The following MARCO variants were observed in gnomAD, a reference collection of about 807,000 sequenced individuals.
MARCO encodes macrophage receptor MARCO.
In MARCO, 72 loss-of-function variants were observed where a neutral mutation model predicts 70.0. The observed-to-expected ratio is 1.03, with a 90% CI of 0.85 to 1.25. The LOEUF (loss-of-function observed/expected upper bound fraction) is 1.25. Ranked by LOEUF, MARCO falls within the 50% of genes most tolerant of loss-of-function variation. The probability of loss-of-function intolerance (pLI) is 0.00; values close to 1 mark genes in which losing one functional copy is unlikely to be tolerated. For synonymous variants in MARCO, 273 were observed against 243.1 expected (o/e 1.12, Z -1.14); for missense variants, 696 against 659.3 (o/e 1.06, Z -0.61).
rs1680505791 is a variant in MARCO, at chr2:118,986,672, G to GAAAGAAAGAAAGAAA, written c.1064-3917_1064-3916insAAAGAAAGAAAGAAA. On this transcript the variant is annotated intron_variant, in intron 12 of 16. Transcript: ENST00000327097. ...AAGAAAGAAGGAAGGAAGGAAGGAAGGAAAGAAAGAAAGAAAGAAAGAAAG... is the reference window on the plus strand; with the variant it reads ...AAGAAAGAAGGAAGGAAGGAAGGAAGAAAGAAAGAAAGAAAGAAAGAAAGAAAGAAAGAAAGAAAG... 3.1e-4 allele frequency among the ~76,000 whole-genome samples: 15 copies of GAAAGAAAGAAAGAAA among 48,684 alleles called. 1 individual carries two copies. Among genetic ancestry groups the GAAAGAAAGAAAGAAA allele is most frequent in the South Asian group, 9.8e-4 (1 of 1,020 alleles). 31.9% of individuals were successfully genotyped at this position (48,684 alleles called of 152,430 possible).
At chr2:118,970,961 G>A (rs967902655) in intron 3 of MARCO, among the ~76,000 whole-genome samples, 1 of 152,202 alleles carries the variant, frequency 6.6e-6, no homozygotes, top group Non-Finnish European at 1.5e-5. Flanking sequence ...TGAGGCTTAG[G>A]AGGGTGATCC....
At position 118,990,569 on chromosome 2, in the gene MARCO, C is replaced by CGGGGGGGGGGGGGGG; in HGVS notation, c.1064-20_1064-19insGGGGGGGGGGGGGGG. 7.1e-7 allele frequency: 1 copy of CGGGGGGGGGGGGGGG among 1,415,980 alleles called. No individual in the cohort carries two copies. The highest frequency in any genetic ancestry group is 9.7e-7 in the Non-Finnish European group (1 of 1,028,334). 87.7% of individuals were successfully genotyped at this position (1,415,980 alleles called of 1,614,324 possible). On this transcript the variant is annotated intron_variant, in intron 12 of 16. Coordinates refer to ENST00000327097, the MANE Select transcript of MARCO (RefSeq NM_006770.4). ...AGTTTTATTATCTCCTCCCCCCCCC[C>CGGGGGGGGGGGGGGG]TTTTTTGTTTTGATCTTAGGACTTC...
intron 14 of MARCO, 96 bp from the exon 15 acceptor site, chr2:118,992,336 T>C (rs1680638602): frequency 6.0e-6 from 6 of 1,003,280 alleles, no homozygotes; most frequent in Non-Finnish European, 9.4e-6. Flanking sequence ...ATCTGACCAC[T>C]CCCAACCCTC....
chr2:118,982,237 G>T lies in MARCO; in HGVS notation c.983G>T (p.Gly328Val). 6.2e-7 allele frequency: 1 copy of T among 1,612,978 alleles called. No individual in the cohort carries two copies. The highest frequency in any genetic ancestry group is 8.5e-7 in the Non-Finnish European group (1 of 1,179,136). The change falls in exon 11 of 17, where the codon GGC becomes GTC. Residue 328 changes from glycine to valine, a missense_variant. Coordinates refer to ENST00000327097, the MANE Select transcript of MARCO (RefSeq NM_006770.4). The stretch of plus-strand genomic sequence containing the variant: ...GCCAAGGGTGAGCCTGGCAGTGCTG[G>T]CTCCCCTGGGCGAGCAGGTGAGGTC... ...PGAKGEPGSA[G>V]SPGRAGLPGS...
chr2:118,991,814 GC>G lies in MARCO; in HGVS notation c.1147del (p.Leu383TrpfsTer19), dbSNP rs773075891. On this transcript the variant is annotated frameshift_variant, in exon 14 of 17. Transcript: ENST00000327097. LOFTEE classifies it high-confidence loss of function. ...GVKGEQGSPG[L>X]AGPKGAPGQA... Reference sequence around the variant, plus strand: ...TGAAGGGAGAACAGGGGAGCCCAGGGCTGGCAGGTCCCAAGGGAGCCCCTGG... The same window carrying G: ...TGAAGGGAGAACAGGGGAGCCCAGGGTGGCAGGTCCCAAGGGAGCCCCTGG... 1.6e-5 allele frequency: 26 copies of G among 1,599,658 alleles called. No individual in the cohort carries two copies. Among genetic ancestry groups the G allele is most frequent in the Non-Finnish European group, 1.9e-5 (22 of 1,174,440 alleles).
chr2:118,973,377 T>C (rs1680212000), intron 4 of MARCO, among the ~76,000 whole-genome samples: 1 of 151,470 alleles, frequency 6.6e-6, no homozygotes, highest in South Asian at 2.1e-4. Flanking sequence ...TCTCTGTCTC[T>C]GACTTCTGTC....
intron 1 of MARCO, chr2:118,952,699 C>T (rs1278558701): frequency 6.6e-6 from 1 of 152,252 alleles, no homozygotes; most frequent in Non-Finnish European, 1.5e-5. Flanking sequence ...TTGCTGAGAG[C>T]TCGGGTTATT....
chr2:118,945,675 A>T (rs1388061332), intron 1 of MARCO, among the ~76,000 whole-genome samples: 1 of 152,038 alleles, frequency 6.6e-6, no homozygotes, highest in East Asian at 1.9e-4. Flanking sequence ...GGCCTCCCAA[A>T]GTGCTGGAAT....
At chr2:118,970,435 G>T in intron 3 of MARCO, 97 bp downstream of exon 3, 1 of 931,442 alleles carries the variant, frequency 1.1e-6, no homozygotes, top group East Asian at 2.6e-5. Flanking sequence ...TCCAAGCAAA[G>T]TGTGACCTCC....
At chr2:118,942,532 C>A in intron 1 of MARCO, 135 bp downstream of exon 1, 1 of 646,726 alleles carries the variant, frequency 1.5e-6, no homozygotes, top group Non-Finnish European at 2.7e-6. Flanking sequence ...ATCACTAATA[C>A]TGTCTGGAGT....
At chr2:118,953,498 T>G (rs1165429172) in intron 1 of MARCO, among the ~76,000 whole-genome samples, 2 of 152,250 alleles carry the variant, frequency 1.3e-5, no homozygotes, top group Non-Finnish European at 2.9e-5. Flanking sequence ...ATCTTGTGTC[T>G]TCCAACTATG....
chr2:118,945,289 G>A (rs956451848), intron 1 of MARCO, among the ~76,000 whole-genome samples: 11 of 152,006 alleles, frequency 7.2e-5, no homozygotes, highest in African/African-American at 2.7e-4. Flanking sequence ...CTGGCTTTAG[G>A]CTTCCTGTCA....
At chr2:118,971,899 A>C (rs778962018) in intron 4 of MARCO, among the ~76,000 whole-genome samples, 8 of 151,942 alleles carry the variant, frequency 5.3e-5, no homozygotes, top group Non-Finnish European at 1.2e-4. Flanking sequence ...AGCACTTCCC[A>C]CCAGAGGTGC....
At chr2:118,986,214 C>G (rs1417128961) in intron 12 of MARCO, among the ~76,000 whole-genome samples, 1 of 152,176 alleles carries the variant, frequency 6.6e-6, no homozygotes, top group East Asian at 1.9e-4. Flanking sequence ...TCCTTCATCT[C>G]ACTTCTTACC....
intron 3 of MARCO, 25 bp downstream of exon 3, chr2:118,970,363 A>G (rs1215679184): frequency 6.5e-7 from 1 of 1,548,446 alleles, no homozygotes. Context: ...CCTCTGGGTC[A>G]GGACTTCTCA....
chr2:118,970,667 C>T (rs1680148992), intron 3 of MARCO, among the ~76,000 whole-genome samples: 1 of 152,136 alleles, frequency 6.6e-6, no homozygotes, highest in South Asian at 2.1e-4. Flanking sequence ...GAGGAGGACA[C>T]CCGGACCTGC....
chr2:118,968,581 G>T (rs1363116304), intron 1 of MARCO, among the ~76,000 whole-genome samples: 1 of 152,170 alleles, frequency 6.6e-6, no homozygotes, highest in Admixed American at 6.5e-5. Flanking sequence ...ACCTTAGGGG[G>T]TTGAGGGATG....
rs559400389 is a variant in MARCO at position 118,981,046 on chromosome 2, G to A, written c.767-363G>A. Among the ~76,000 whole-genome samples, 21 of 152,200 alleles carry A rather than the reference G, an allele frequency of 1.4e-4. No individual in the cohort carries two copies. In the South Asian group the frequency reaches 3.3e-3, roughly 24 times the overall value. On this transcript the variant is annotated intron_variant, in intron 8 of 16. Transcript: ENST00000327097. ...TCTCAGCATTTGGGATCTGCTTTTC[G>A]GAATACTCAGGTTTCAATTTTTGAA...
chr2:118,968,262 C>T (rs1228527606), intron 1 of MARCO, among the ~76,000 whole-genome samples: 1 of 152,176 alleles, frequency 6.6e-6, no homozygotes, highest in African/African-American at 2.4e-5. Flanking sequence ...AATATTACAG[C>T]CTCTTTTGTA....
Sources: gnomAD v4.1 joint callset for allele counts (sites outside exome capture counted in the v4.1 genomes callset) on GRCh38, gnomAD v4.1.1 for gene constraint, MANE v1.5 for transcripts, NCBI Gene and HGNC (gene_info 2026-07-23, HGNC 2026-07-21) for gene names.